The following TRERF1 variants were observed in gnomAD, a reference collection of about 807,000 sequenced individuals.
TRERF1 encodes transcriptional regulating factor 1.
In TRERF1, 27 loss-of-function variants were observed where a neutral mutation model predicts 122.9. The observed-to-expected ratio is 0.22, with a 90% CI of 0.16 to 0.30. TRERF1 has a LOEUF of 0.30. Among genes scored for constraint, TRERF1 ranks in the 10% least tolerant of loss-of-function variants. TRERF1 has a pLI of 1.00. For missense variants in TRERF1, 1,248 were observed against 1,560.3 expected (o/e 0.80, Z 3.37); for synonymous variants, 636 against 641.7 (o/e 0.99, Z 0.13).
intron 2 of TRERF1, among the ~76,000 whole-genome samples, chr6:42,438,166 C>T (rs1457394478): frequency 6.6e-6 from 1 of 151,482 alleles, no homozygotes; most frequent in Non-Finnish European, 1.5e-5. Context: ...AAGTGATCCA[C>T]CCACCTTGGC....
At chr6:42,236,031 C>T (rs1363022277) in intron 16 of TRERF1, among the ~76,000 whole-genome samples, 174 bp downstream of exon 16, 1 of 152,246 alleles carries the variant, frequency 6.6e-6, no homozygotes, top group East Asian at 1.9e-4. Flanking sequence ...AGAACACACA[C>T]TCTGTAAATA....
At chr6:42,434,819 A>C (rs1038056965) in intron 2 of TRERF1, among the ~76,000 whole-genome samples, 22 of 152,186 alleles carry the variant, frequency 1.4e-4, no homozygotes, top group African/African-American at 3.9e-4. Context: ...GATTAATCTA[A>C]ATTATTATTG....
At chr6:42,408,481 C>T (rs751651947) in intron 2 of TRERF1, among the ~76,000 whole-genome samples, 4 of 145,264 alleles carry the variant, frequency 2.8e-5, no homozygotes, top group Middle Eastern at 7.6e-3. Context: ...CGGGTTCAAG[C>T]GATTTTCCTG....
intron 10 of TRERF1, among the ~76,000 whole-genome samples, 178 bp from the exon 11 acceptor site, chr6:42,257,280 C>A (rs1238001996): frequency 6.6e-6 from 1 of 152,136 alleles, no homozygotes; most frequent in Non-Finnish European, 1.5e-5. Flanking sequence ...GGATAAGGAA[C>A]AGCTTTAAGA....
intron 2 of TRERF1, among the ~76,000 whole-genome samples, chr6:42,410,617 T>C (rs1191114236): frequency 6.6e-6 from 1 of 152,012 alleles, no homozygotes; most frequent in Non-Finnish European, 1.5e-5. Flanking sequence ...TGAAGTAGAG[T>C]TGGAGGCTCC....
At chr6:42,437,054 C>T in intron 2 of TRERF1, among the ~76,000 whole-genome samples, 1 of 151,976 alleles carries the variant, frequency 6.6e-6, no homozygotes, top group East Asian at 1.9e-4. Flanking sequence ...TCATCATCAT[C>T]TTGCTTAGCA....
chr6:42,252,211 C>T (rs769771479), intron 13 of TRERF1, among the ~76,000 whole-genome samples: 4 of 152,238 alleles, frequency 2.6e-5, no homozygotes, highest in African/African-American at 7.2e-5. Context: ...CCCACCACGT[C>T]GGCCCTTCCC....
rs569577214 is a variant in TRERF1 at position 42,228,159 on chromosome 6, C to A, written c.*186G>T. On this transcript the variant is annotated 3_prime_UTR_variant, in exon 18 of 18. Transcript: ENST00000372922. The surrounding 1 kb of genome is among the most constrained non-coding windows in gnomAD (Gnocchi z 4.2). ...CCAATTATTTATTCCCCCAACCCCCCACAAAAACAAATTTTTTTAAATAAA... is the reference window on the plus strand; with the variant it reads ...CCAATTATTTATTCCCCCAACCCCCAACAAAAACAAATTTTTTTAAATAAA... 59 of 548,784 alleles carry A rather than the reference C, an allele frequency of 1.1e-4. No individual in the cohort carries two copies. Among genetic ancestry groups the A allele is most frequent in the Non-Finnish European group, 1.1e-4 (36 of 332,120 alleles). 34.0% of individuals were successfully genotyped at this position (548,784 alleles called of 1,614,324 possible). A position where few individuals can be genotyped will look rare whatever the true frequency, so the allele number is the denominator to read the frequency against.
At chr6:42,248,528 T>G (rs1393053801) in intron 13 of TRERF1, among the ~76,000 whole-genome samples, 2 of 152,134 alleles carry the variant, frequency 1.3e-5, no homozygotes, top group Non-Finnish European at 2.9e-5. Context: ...AATTTTTGTA[T>G]TTTTAGCAGA....
rs144668633 is a variant in TRERF1 at position 42,269,234 on chromosome 6, G to A, written c.357C>T (p.Gly119=). ...TGGCCTGGGAGTAGGTGTATTGGTA[G>A]CCATCAGTGGGCTCAGCCTGGGCTG... The change falls in exon 5 of 18, where the codon GGC becomes GGT. Residue 119 remains glycine (G), a synonymous_variant. Transcript: ENST00000372922. The surrounding 1 kb of genome is among the most constrained non-coding windows in gnomAD (Gnocchi z 4.9). The A allele has an allele frequency of 3.6e-5, 58 of 1,614,218 alleles. No individual in the cohort carries two copies. Among genetic ancestry groups the A allele is most frequent in the South Asian group, 3.4e-4 (31 of 91,090 alleles).
intron 3 of TRERF1, among the ~76,000 whole-genome samples, chr6:42,306,713 T>A (rs867641954): frequency 2.0e-5 from 3 of 152,356 alleles, no homozygotes; most frequent in Middle Eastern, 3.4e-3. Flanking sequence ...TCTCCTCTCA[T>A]TAGCATCTAC....
chr6:42,350,696 T>A (rs1003757399), intron 3 of TRERF1, among the ~76,000 whole-genome samples: 1 of 152,202 alleles, frequency 6.6e-6, no homozygotes, highest in African/African-American at 2.4e-5. Flanking sequence ...AAAAAGAGTC[T>A]GGTTTGCGTT....
chr6:42,282,662 A>G (rs980157457), intron 4 of TRERF1, among the ~76,000 whole-genome samples: 1 of 152,240 alleles, frequency 6.6e-6, no homozygotes, highest in African/African-American at 2.4e-5. Context: ...AAAAAGAAAG[A>G]TGCAGAACAG....
chr6:42,300,908 C>T (rs1175509096), intron 3 of TRERF1, among the ~76,000 whole-genome samples, 159 bp from the exon 4 acceptor site: 1 of 152,190 alleles, frequency 6.6e-6, no homozygotes, highest in African/African-American at 2.4e-5. Context: ...ATGCATTCAA[C>T]AAACATTTCC....
intron 2 of TRERF1, among the ~76,000 whole-genome samples, chr6:42,441,603 TA>T (rs1786529864): frequency 6.6e-6 from 1 of 151,636 alleles, no homozygotes; most frequent in African/African-American, 2.4e-5. Context: ...CTGGGCCTGG[TA>T]GCAGAGAAGC....
At chr6:42,420,647 A>G (rs916657467) in intron 2 of TRERF1, among the ~76,000 whole-genome samples, 3 of 152,244 alleles carry the variant, frequency 2.0e-5, no homozygotes, top group Admixed American at 1.3e-4. Flanking sequence ...CATTTGTTAC[A>G]GAAAAATCAG....
intron 2 of TRERF1, among the ~76,000 whole-genome samples, chr6:42,436,364 G>A (rs1010202716): frequency 3.5e-5 from 4 of 113,830 alleles, no homozygotes; most frequent in Non-Finnish European, 6.8e-5. Flanking sequence ...GTGAGACTCC[G>A]TCTCAAAAAA....
At chr6:42,360,674 C>T (rs1299114373) in intron 3 of TRERF1, among the ~76,000 whole-genome samples, 2 of 148,204 alleles carry the variant, frequency 1.3e-5, no homozygotes, top group African/African-American at 2.5e-5. Context: ...CAGAACTCTA[C>T]ACACCCCCAG....
At chr6:42,389,646 C>A (rs1308285622) in intron 2 of TRERF1, among the ~76,000 whole-genome samples, 1 of 152,200 alleles carries the variant, frequency 6.6e-6, no homozygotes, top group Non-Finnish European at 1.5e-5. Context: ...TGATTAAGCA[C>A]CTATAATGCC....
Sources: gnomAD v4.1 joint callset for allele counts (sites outside exome capture counted in the v4.1 genomes callset) on GRCh38, gnomAD v4.1.1 for gene constraint, Gnocchi (gnomAD v3.1) non-coding constraint, MANE v1.5 for transcripts, NCBI Gene and HGNC (gene_info 2026-07-23, HGNC 2026-07-21) for gene names.